Variants in FRMD5 observed in about 807,000 individuals in gnomAD.
FRMD5 encodes the protein FERM domain containing 5, also known as FERM domain-containing protein 5.
In FRMD5, 20 loss-of-function variants were observed where a neutral mutation model predicts 69.0. That is an observed-to-expected ratio of 0.29 (90% CI 0.20 to 0.42). The LOEUF (loss-of-function observed/expected upper bound fraction) is 0.42. FRMD5 is among the 10% of genes least tolerant of loss of function. The pLI is 1.00. For synonymous variants in FRMD5, 271 were observed against 260.1 expected, an observed-to-expected ratio of 1.04 and a Z score of -0.40; for missense variants, 595 against 708.6, an observed-to-expected ratio of 0.84 and a Z score of 1.82.
intron 5 of FRMD5, 77 bp from the exon 6 acceptor site, chr15:43,906,028 C>G: frequency 6.3e-7 from 1 of 1,584,330 alleles, no homozygotes; most frequent in South Asian, 1.1e-5. Context: ...GAGATTAGCA[C>G]ACAGAGCAAA....
At chr15:44,160,199 C>A (rs1384788388) in intron 1 of FRMD5, among the ~76,000 whole-genome samples, 2 of 152,124 alleles carry the variant, frequency 1.3e-5, no homozygotes, top group Non-Finnish European at 2.9e-5. Flanking sequence ...ACTAAAAATA[C>A]AAAAATTAGC....
intron 4 of FRMD5, among the ~76,000 whole-genome samples, chr15:43,911,393 A>T (rs1474362492): frequency 6.6e-6 from 1 of 152,212 alleles, no homozygotes; most frequent in African/African-American, 2.4e-5. Context: ...AGGTTGCTTC[A>T]GCAGTCCTAT....
intron 1 of FRMD5, among the ~76,000 whole-genome samples, chr15:43,987,577 C>T (rs1385035867): frequency 2.0e-5 from 3 of 152,026 alleles, no homozygotes; most frequent in Admixed American, 6.6e-5. Flanking sequence ...TTTTTTGAGA[C>T]GGAGTCTTGC....
chr15:43,995,952 A>T (rs1027410878), intron 1 of FRMD5, among the ~76,000 whole-genome samples: 1 of 152,062 alleles, frequency 6.6e-6, no homozygotes, highest in African/African-American at 2.4e-5. Context: ...GCTGAACCCC[A>T]GAGCTGCTGG....
Position 44,157,472 on chromosome 15 carries a change from G to A in FRMD5, c.102+37481C>T, listed in dbSNP as rs550650020. The stretch of plus-strand genomic sequence containing the variant: ...TTAGTACCACTGTAGTATCCTACAG[G>A]TAGTAGTATTCACATAATACTTCAT... On this transcript the variant is annotated intron_variant, in intron 1 of 13. Coordinates refer to ENST00000417257, the MANE Select transcript of FRMD5 (RefSeq NM_032892.5). Among the ~76,000 whole-genome samples, 5 of 152,230 alleles carry A rather than the reference G, an allele frequency of 3.3e-5. No individual in the cohort carries two copies. The South Asian group carries it at 1.0e-3, about 32-fold the overall frequency.
At chr15:44,045,979 T>A (rs1020734210) in intron 1 of FRMD5, among the ~76,000 whole-genome samples, 1 of 152,134 alleles carries the variant, frequency 6.6e-6, no homozygotes, top group South Asian at 2.1e-4. Flanking sequence ...AGTTGTATAG[T>A]CTCTTTGCTG....
At chr15:43,956,495 C>CT (rs762683612) in intron 1 of FRMD5, among the ~76,000 whole-genome samples, 319 of 151,148 alleles carry the variant, frequency 2.1e-3, no homozygotes, top group African/African-American at 4.7e-3. Context: ...TGTGAGACGA[C>CT]TTTTTTTTTG....
chr15:44,196,087 T>C (rs149504392), upstream of FRMD5, among the ~76,000 whole-genome samples: 2 of 152,312 alleles, frequency 1.3e-5, no homozygotes, highest in East Asian at 3.9e-4. Context: ...ACCCCAAATT[T>C]ACAGACTTCA....
chr15:43,931,426 C>G (rs2089673765), intron 1 of FRMD5, among the ~76,000 whole-genome samples: 2 of 152,062 alleles, frequency 1.3e-5, no homozygotes, highest in South Asian at 2.1e-4. Context: ...CCCCCCGATC[C>G]CCACTCCCAA....
intron 2 of FRMD5, 133 bp from the exon 3 acceptor site, chr15:43,919,942 G>T (rs1231902973): frequency 1.4e-5 from 11 of 775,980 alleles, no homozygotes; most frequent in Non-Finnish European, 2.2e-5. Context: ...TGAAAGATAA[G>T]TTTGGTGAGT....
intron 1 of FRMD5, among the ~76,000 whole-genome samples, chr15:43,952,480 C>T (rs907549409): frequency 6.6e-6 from 1 of 152,120 alleles, no homozygotes; most frequent in East Asian, 1.9e-4. Context: ...TATTGCAAAC[C>T]AATAACACCT....
At chr15:43,992,700 C>G (rs1889744155) in intron 1 of FRMD5, among the ~76,000 whole-genome samples, 1 of 151,876 alleles carries the variant, frequency 6.6e-6, no homozygotes, top group African/African-American at 2.4e-5. Context: ...TATTATTACT[C>G]AAATCAGTCT....
intron 1 of FRMD5, among the ~76,000 whole-genome samples, chr15:44,146,355 A>AT (rs1277253725): frequency 6.6e-6 from 1 of 152,184 alleles, no homozygotes; most frequent in East Asian, 1.9e-4. Flanking sequence ...GCTACCTAGT[A>AT]TTCCATGATG....
At chr15:43,958,963 C>A (rs1386572991) in intron 1 of FRMD5, among the ~76,000 whole-genome samples, 1 of 152,180 alleles carries the variant, frequency 6.6e-6, no homozygotes, top group African/African-American at 2.4e-5. Context: ...CCACACCTGG[C>A]ATACAAACAA....
intron 1 of FRMD5, among the ~76,000 whole-genome samples, chr15:44,174,962 T>C (rs1223331954): frequency 2.0e-5 from 3 of 152,118 alleles, no homozygotes; most frequent in Non-Finnish European, 4.4e-5. Context: ...CATGCGGGGC[T>C]TAAAACCTAG....
chr15:44,078,060 T>C (rs993210516), intron 1 of FRMD5, among the ~76,000 whole-genome samples: 7 of 152,208 alleles, frequency 4.6e-5, no homozygotes, highest in Admixed American at 3.3e-4. Context: ...AATAAGATTA[T>C]TGAGAATGGG....
chr15:44,195,863 C>A (rs2078286823), upstream of FRMD5, among the ~76,000 whole-genome samples: 1 of 151,002 alleles, frequency 6.6e-6, no homozygotes, highest in Non-Finnish European at 1.5e-5. Flanking sequence ...CAGGTTTAAT[C>A]CCCTAAAAAA....
intron 1 of FRMD5, among the ~76,000 whole-genome samples, chr15:44,077,199 A>G (rs180684198): frequency 2.6e-5 from 4 of 152,284 alleles, no homozygotes; most frequent in Non-Finnish European, 4.4e-5. Context: ...GTCATTACCT[A>G]TCATGCCTTA....
intron 1 of FRMD5, among the ~76,000 whole-genome samples, chr15:44,004,862 C>T (rs893511460): frequency 1.3e-5 from 2 of 152,174 alleles, no homozygotes; most frequent in Admixed American, 1.3e-4. Flanking sequence ...GCTTCTTGAG[C>T]CAAATAGCCA....
Sources: gnomAD v4.1 joint callset for allele counts (sites outside exome capture counted in the v4.1 genomes callset) on GRCh38, gnomAD v4.1.1 for gene constraint, MANE v1.5 for transcripts, NCBI Gene and HGNC (gene_info 2026-07-23, HGNC 2026-07-21) for gene names.